The following SCUBE2 variants were observed in gnomAD, a reference collection of about 807,000 sequenced individuals.
SCUBE2 encodes the protein signal peptide, CUB and EGF-like domain-containing protein 2.
In SCUBE2, 114 loss-of-function variants were observed where a neutral mutation model predicts 125.9. The ratio of observed to expected loss-of-function variants is 0.91; its 90% CI spans 0.78 to 1.06. The LOEUF is 1.06. Among genes scored for constraint, SCUBE2 ranks in the 50% least tolerant of loss-of-function variants. SCUBE2 has a pLI of 0.00. For synonymous variants in SCUBE2, 459 were observed against 492.9 expected (o/e 0.93, Z 0.91); for missense variants, 1,255 against 1,301.8 (o/e 0.96, Z 0.55).
intron 16 of SCUBE2, among the ~76,000 whole-genome samples, chr11:9,043,598 T>C (rs1382600942): frequency 6.7e-6 from 1 of 149,562 alleles, no homozygotes; most frequent in Admixed American, 6.8e-5. Flanking sequence ...AGAAAGAAAA[T>C]ATACAATTGG....
chr11:9,080,891 C>T (rs1206967674), intron 2 of SCUBE2, among the ~76,000 whole-genome samples: 1 of 151,974 alleles, frequency 6.6e-6, no homozygotes, highest in Non-Finnish European at 1.5e-5. Context: ...TCTTACAACT[C>T]AATAAGAAGA....
chr11:9,051,032 A>C (rs111993709), intron 13 of SCUBE2, among the ~76,000 whole-genome samples: 4,130 of 152,204 alleles, frequency 0.027, 193 homozygotes, highest in African/African-American at 0.094. Context: ...GCATGGTGGC[A>C]CATGCCTGTA....
chr11:9,072,881 T>A (rs1279215700), intron 4 of SCUBE2, among the ~76,000 whole-genome samples: 1 of 152,146 alleles, frequency 6.6e-6, no homozygotes, highest in Non-Finnish European at 1.5e-5. Flanking sequence ...TTGCTTCTGG[T>A]ATGAGGAGCC....
At chr11:9,026,969 C>T (rs1034549557) in intron 20 of SCUBE2, 4 of 213,690 alleles carry the variant, frequency 1.9e-5, no homozygotes, top group Non-Finnish European at 2.8e-5. Context: ...GGACACTGGA[C>T]CATGAATCAG....
rs1349758713 is a variant in SCUBE2 at position 9,091,553 on chromosome 11, A to C, written c.-25T>G. ...TGGATGGCTCAGCGGTTGCGGGCAG[A>C]GGCGGCGGAGTGCGGGCGGTGGCGG... On this transcript the variant is annotated 5_prime_UTR_variant, in exon 1 of 23. Transcript: ENST00000649792. The surrounding 1 kb of genome is among the most constrained non-coding windows in gnomAD (Gnocchi z 8.5). 1.1e-4 allele frequency: 61 copies of C among 564,114 alleles called. No individual in the cohort carries two copies. Among genetic ancestry groups the C allele is most frequent in the Non-Finnish European group, 1.5e-4 (60 of 397,194 alleles). 34.9% of individuals were successfully genotyped at this position (564,114 alleles called of 1,614,324 possible). A position where few individuals can be genotyped will look rare whatever the true frequency, so the allele number is the denominator to read the frequency against.
intron 4 of SCUBE2, among the ~76,000 whole-genome samples, chr11:9,072,387 T>G (rs1433158288): frequency 2.0e-5 from 3 of 152,132 alleles, no homozygotes; most frequent in Admixed American, 2.0e-4. Flanking sequence ...TTTTTGTATT[T>G]TTAGTAGAGA....
In SCUBE2 at chr11:9,020,949, C is replaced by T; in HGVS notation, c.*96G>A. ...TCTAATGAGTCACTGATACGGGAGGCAGCAATACCCGACTGTGCTGACATG... is the reference window on the plus strand; with the variant it reads ...TCTAATGAGTCACTGATACGGGAGGTAGCAATACCCGACTGTGCTGACATG... On this transcript the variant is annotated 3_prime_UTR_variant, in exon 23 of 23. Transcript: ENST00000649792. The T allele has an allele frequency of 9.3e-7, 1 of 1,076,590 alleles. No homozygotes were observed. The highest frequency in any genetic ancestry group is 1.3e-6 in the Non-Finnish European group (1 of 771,596). 66.7% of individuals were successfully genotyped at this position (1,076,590 alleles called of 1,614,324 possible). A position where few individuals can be genotyped will look rare whatever the true frequency, so the allele number is the denominator to read the frequency against.
rs2135826705 is a variant in SCUBE2 at position 9,074,413 on chromosome 11, T to A, written c.517+68A>T. ...GTGCTTCCCCTCTAGAGTCAGTGTG[T>A]GTGTGCGCGTGCAAGGGAGAGGGTC... On this transcript the variant is annotated intron_variant, in intron 4 of 22. Transcript: ENST00000649792. 4.4e-6 allele frequency: 7 copies of A among 1,574,004 alleles called. No individual in the cohort carries two copies. The Middle Eastern group carries it at 5.4e-4, about 120-fold the overall frequency.
At chr11:9,059,616 G>T in intron 8 of SCUBE2, 191 bp from the exon 9 acceptor site, 1 of 714,392 alleles carries the variant, frequency 1.4e-6, no homozygotes, top group Non-Finnish European at 2.2e-6. Flanking sequence ...AGTTTTGAAA[G>T]ACAAGTGTTT....
At chr11:9,060,284 A>C (rs1201504286) in intron 8 of SCUBE2, 124 bp downstream of exon 8, 3 of 714,328 alleles carry the variant, frequency 4.2e-6, no homozygotes, top group South Asian at 3.6e-5. Flanking sequence ...ATTGATATGA[A>C]TCATAAGCAA....
In SCUBE2 at chr11:9,019,992, C is replaced by T. The variant is rs116136849; in HGVS notation, c.*1053G>A. 0.02 allele frequency among the ~76,000 whole-genome samples: 3,106 copies of T among 152,254 alleles called. 107 individuals carry two copies. The highest frequency in any genetic ancestry group is 0.072 in the African/African-American group (2,981 of 41,526). Reference sequence around the variant, plus strand: ...CATTCAGGGGGTGTTTCTGGCAGTGCTGTTACTGTTAGAGAATGAGACCAC... The same window carrying T: ...CATTCAGGGGGTGTTTCTGGCAGTGTTGTTACTGTTAGAGAATGAGACCAC... On this transcript the variant is annotated 3_prime_UTR_variant, in exon 23 of 23. Coordinates refer to ENST00000649792, the MANE Select transcript of SCUBE2 (RefSeq NM_001367977.2).
intron 2 of SCUBE2, among the ~76,000 whole-genome samples, chr11:9,082,449 T>C (rs1233389400): frequency 1.3e-5 from 2 of 152,220 alleles, no homozygotes; most frequent in Admixed American, 1.3e-4. Flanking sequence ...ATACAACATA[T>C]GACCCAGCAA....
At chr11:9,047,800 C>T (rs1441819103) in intron 15 of SCUBE2, 143 bp downstream of exon 15, 26 of 1,063,012 alleles carry the variant, frequency 2.4e-5, no homozygotes, top group Non-Finnish European at 3.3e-5. Context: ...CAAACCAATT[C>T]AGTTTAGTTT....
chr11:9,074,608 GTCC>G lies in SCUBE2; in HGVS notation c.387_389del (p.Asp130del). On this transcript the variant is annotated inframe_deletion, in exon 4 of 23. Transcript: ENST00000649792. The stretch of plus-strand genomic sequence containing the variant: ...AGCCGCCATTGTTCTCCAGGCACTC[GTCC>G]ACATCTGGAAGGAGAGAGGGATTAG... 6.2e-7 allele frequency: 1 copy of G among 1,614,166 alleles called. No individual in the cohort carries two copies. The highest frequency in any genetic ancestry group is 1.1e-5 in the South Asian group (1 of 91,082).
intron 3 of SCUBE2, among the ~76,000 whole-genome samples, chr11:9,075,151 G>A (rs575774768): frequency 4.6e-5 from 7 of 150,584 alleles, no homozygotes; most frequent in Admixed American, 2.6e-4. Context: ...AGGTTGCAGC[G>A]AGCCGAGATC....
intron 2 of SCUBE2, among the ~76,000 whole-genome samples, chr11:9,084,417 A>ATT (rs1861896864): frequency 6.6e-6 from 1 of 152,244 alleles, no homozygotes; most frequent in Admixed American, 6.5e-5. Context: ...AGTAATAACT[A>ATT]TTGCAGGCAA....
intron 16 of SCUBE2, among the ~76,000 whole-genome samples, chr11:9,040,301 T>C (rs566621315): frequency 6.6e-6 from 1 of 152,336 alleles, no homozygotes; most frequent in East Asian, 1.9e-4. Context: ...TATCACAACA[T>C]ATTATAATAA....
intron 13 of SCUBE2, 56 bp downstream of exon 13, chr11:9,052,690 T>A (rs1858539409): frequency 1.6e-6 from 2 of 1,280,924 alleles, no homozygotes; most frequent in Non-Finnish European, 2.2e-6. Flanking sequence ...ACCCCGTGAA[T>A]GAAGCCCCTT....
At position 9,091,414 on chromosome 11, in the gene SCUBE2, CACGGCCCCGACCCGGCGGG is replaced by C. The variant is rs1862717377; in HGVS notation, c.96_114del (p.Pro34ArgfsTer7). ...CACTCACCCTCCTGCGGCCCCGCGG[CACGGCCCCGACCCGGCGGG>C]ACGGCCCCCGCCAGCAGCAGCAGTG... On this transcript the variant is annotated frameshift_variant, in exon 1 of 23. Transcript: ENST00000649792. LOFTEE classifies it high-confidence loss of function. This position sits in a 1 kb window ranked among gnomAD's most constrained non-coding sequence, Gnocchi z 8.5. 1.5e-6 allele frequency: 2 copies of C among 1,315,894 alleles called. No homozygotes were observed. The highest frequency in any genetic ancestry group is 9.6e-7 in the Non-Finnish European group (1 of 1,037,256). 81.5% of individuals were successfully genotyped at this position (1,315,894 alleles called of 1,614,324 possible). A position where few individuals can be genotyped will look rare whatever the true frequency, so the allele number is the denominator to read the frequency against.
Sources: allele counts gnomAD v4.1 joint callset (sites outside exome capture counted in the v4.1 genomes callset), GRCh38; gene constraint gnomAD v4.1.1; non-coding constraint Gnocchi (gnomAD v3.1); transcripts MANE v1.5; gene names NCBI Gene and HGNC (gene_info 2026-07-23, HGNC 2026-07-21).